The following FOCAD variants were observed in gnomAD, a reference collection of about 807,000 sequenced individuals.
The protein encoded by FOCAD is focadhesin.
A neutral mutation model predicts 225.6 loss-of-function variants in FOCAD; 198 were observed. That is an observed-to-expected ratio of 0.88 (90% CI 0.78 to 0.99). The LOEUF is 0.99. Ranked by LOEUF, FOCAD falls within the 50% of genes least tolerant of loss-of-function variation. The probability of loss-of-function intolerance (pLI) is 0.00; values close to 1 mark genes in which losing one functional copy is unlikely to be tolerated. For missense variants in FOCAD, 2,713 were observed against 2,123.6 expected, an observed-to-expected ratio of 1.28 and a Z score of -5.46; for synonymous variants, 897 against 755.0, an observed-to-expected ratio of 1.19 and a Z score of -3.08.
At chr9:20,718,806 A>T (rs747038498) in intron 3 of FOCAD, among the ~76,000 whole-genome samples, 2 of 152,232 alleles carry the variant, frequency 1.3e-5, no homozygotes, top group Non-Finnish European at 2.9e-5. Context: ...CTTCTACTAA[A>T]AATGAATGCT....
At chr9:20,877,175 A>G (rs761966740) in intron 19 of FOCAD, among the ~76,000 whole-genome samples, 1 of 152,034 alleles carries the variant, frequency 6.6e-6, no homozygotes, top group Non-Finnish European at 1.5e-5. Context: ...CCCAGTATAT[A>G]AACTTAAGGG....
In FOCAD at chr9:20,976,517, A is replaced by C; in HGVS notation, c.4230A>C (p.Ala1410=). The C allele has an allele frequency of 6.2e-7, 1 of 1,613,276 alleles. No homozygotes were observed. The highest frequency in any genetic ancestry group is 8.5e-7 in the Non-Finnish European group (1 of 1,179,360). The change falls in exon 36 of 44, where the codon GCA becomes GCC. Residue 1410 remains alanine, a synonymous_variant. Transcript: ENST00000338382. ...AATATCCTCCTGTGAACTGGGCTGC[A>C]CTTCTCTCTCCACTTATGAGGCTAA... ...SYQYPPVNWA[A]LLSPLMRLNF... is the part of the protein sequence containing the mutation.
chr9:20,795,027 A>C (rs944046519), intron 11 of FOCAD, among the ~76,000 whole-genome samples: 2 of 152,220 alleles, frequency 1.3e-5, no homozygotes, highest in Non-Finnish European at 2.9e-5. Flanking sequence ...TAGTAATGTT[A>C]AATAATTGTT....
At chr9:20,703,148 C>T (rs573989443) in intron 1 of FOCAD, among the ~76,000 whole-genome samples, 3 of 145,058 alleles carry the variant, frequency 2.1e-5, no homozygotes, top group African/African-American at 7.7e-5. Context: ...TAGTGGGTCA[C>T]TGCAGTGGCA....
At chr9:20,871,574 G>A (rs923179900) in intron 18 of FOCAD, among the ~76,000 whole-genome samples, 4 of 151,418 alleles carry the variant, frequency 2.6e-5, no homozygotes, top group Non-Finnish European at 5.9e-5. Context: ...ATTCTTTTAA[G>A]AAGTGACCAG....
chr9:20,727,537 C>A (rs1046787125), intron 4 of FOCAD, among the ~76,000 whole-genome samples: 1 of 152,140 alleles, frequency 6.6e-6, no homozygotes, highest in Non-Finnish European at 1.5e-5. Flanking sequence ...TTTAAAGAAG[C>A]ATTTTTTTGG....
intron 35 of FOCAD, among the ~76,000 whole-genome samples, chr9:20,969,866 T>G (rs1255401875): frequency 6.6e-6 from 1 of 151,984 alleles, no homozygotes; most frequent in Non-Finnish European, 1.5e-5. Context: ...GGACTCCCAT[T>G]AACATTTCTC....
At chr9:20,884,296 A>G (rs945478220) in intron 20 of FOCAD, among the ~76,000 whole-genome samples, 1 of 152,098 alleles carries the variant, frequency 6.6e-6, no homozygotes, top group Non-Finnish European at 1.5e-5. Flanking sequence ...AATATACTAT[A>G]TTATATTACG....
chr9:20,675,755 T>C (rs1036485373), intron 2 of FOCAD, among the ~76,000 whole-genome samples: 2 of 152,224 alleles, frequency 1.3e-5, no homozygotes, highest in Admixed American at 1.3e-4. Context: ...GATTAACCTT[T>C]CAGTGAGATC....
intron 5 of FOCAD, among the ~76,000 whole-genome samples, chr9:20,747,497 A>C (rs1240288670): frequency 6.6e-6 from 1 of 152,178 alleles, no homozygotes; most frequent in Non-Finnish European, 1.5e-5. Flanking sequence ...AGTAGATTTT[A>C]TTATAGTCAG....
intron 15 of FOCAD, among the ~76,000 whole-genome samples, chr9:20,829,196 T>C (rs1825234040): frequency 6.6e-6 from 1 of 152,118 alleles, no homozygotes; most frequent in Non-Finnish European, 1.5e-5. Flanking sequence ...TAGATCTAGA[T>C]CTTTGAGGAA....
At chr9:20,850,871 T>G (rs1161383886) in intron 15 of FOCAD, among the ~76,000 whole-genome samples, 1 of 148,718 alleles carries the variant, frequency 6.7e-6, no homozygotes, top group African/African-American at 2.5e-5. Context: ...CAGTTTCTCT[T>G]AACACAAGGT....
At chr9:20,845,356 G>A (rs967082214) in intron 15 of FOCAD, among the ~76,000 whole-genome samples, 6 of 147,990 alleles carry the variant, frequency 4.1e-5, no homozygotes, top group Non-Finnish European at 8.9e-5. Flanking sequence ...TATGTCTATG[G>A]GTATTTTTAG....
chr9:20,760,427 G>C (rs925051836), intron 6 of FOCAD, among the ~76,000 whole-genome samples: 4 of 152,194 alleles, frequency 2.6e-5, no homozygotes, highest in Admixed American at 2.0e-4. Flanking sequence ...TATCTCACCA[G>C]CTTTATCTTT....
At chr9:20,866,047 ACT>A in intron 17 of FOCAD, 71 bp downstream of exon 17, 1 of 1,289,850 alleles carries the variant, frequency 7.8e-7, no homozygotes, top group East Asian at 2.4e-5. Context: ...GTAAAATAAG[ACT>A]CTTAGGATAA....
chr9:20,770,271 A>AT, intron 8 of FOCAD, 33 bp downstream of exon 8: 1 of 1,557,584 alleles, frequency 6.4e-7, no homozygotes, highest in Non-Finnish European at 8.8e-7. Context: ...CTGTTCATGC[A>AT]TTGCTATTAA....
intron 28 of FOCAD, among the ~76,000 whole-genome samples, chr9:20,936,411 A>G (rs1369179247): frequency 6.6e-6 from 1 of 152,192 alleles, no homozygotes; most frequent in Admixed American, 6.5e-5. Flanking sequence ...AATAAAGTAA[A>G]ATGTCCATTT....
intron 9 of FOCAD, among the ~76,000 whole-genome samples, chr9:20,781,332 T>G (rs1298143973): frequency 6.6e-6 from 1 of 152,232 alleles, no homozygotes; most frequent in Non-Finnish European, 1.5e-5. Flanking sequence ...GCTAATAGGA[T>G]TCTTAGCTGC....
intron 11 of FOCAD, among the ~76,000 whole-genome samples, chr9:20,816,691 T>C (rs1406238349): frequency 1.3e-5 from 2 of 152,152 alleles, no homozygotes; most frequent in Non-Finnish European, 2.9e-5. Flanking sequence ...TTTCTAAGAA[T>C]AGAACAGATA....
Sources: gnomAD v4.1 joint callset for allele counts (sites outside exome capture counted in the v4.1 genomes callset) on GRCh38, gnomAD v4.1.1 for gene constraint, MANE v1.5 for transcripts, NCBI Gene and HGNC (gene_info 2026-07-23, HGNC 2026-07-21) for gene names.